SDK1: variants seen among roughly 807,000 people sequenced by gnomAD.
SDK1 encodes the protein protein sidekick-1.
In SDK1, 157 loss-of-function variants were observed where a neutral mutation model predicts 245.5. The ratio of observed to expected loss-of-function variants is 0.64; its 90% CI spans 0.56 to 0.73. The LOEUF (loss-of-function observed/expected upper bound fraction) is 0.73. Among genes scored for constraint, SDK1 ranks in the 30% least tolerant of loss-of-function variants. SDK1 has a pLI of 0.00. For missense variants in SDK1, 3,583 were observed against 3,002.3 expected (o/e 1.19, Z -4.52); for synonymous variants, 1,647 against 1,278.5 (o/e 1.29, Z -6.15).
chr7:3,444,138 G>T (rs555696449), intron 1 of SDK1, among the ~76,000 whole-genome samples: 2 of 152,148 alleles, frequency 1.3e-5, no homozygotes, highest in Non-Finnish European at 2.9e-5. Flanking sequence ...TGGAAAGGGC[G>T]GGTTTAATTC....
chr7:3,992,619 A>G (rs1031038126), intron 14 of SDK1, among the ~76,000 whole-genome samples: 1 of 152,216 alleles, frequency 6.6e-6, no homozygotes, highest in African/African-American at 2.4e-5. Context: ...TAAAATGCTT[A>G]TCGATTATGA....
intron 43 of SDK1, among the ~76,000 whole-genome samples, chr7:4,244,040 G>C (rs925773545): frequency 2.0e-5 from 3 of 152,174 alleles, no homozygotes; most frequent in African/African-American, 4.8e-5. Flanking sequence ...TTGAGATAGA[G>C]AAAGAAAGGC....
intron 4 of SDK1, among the ~76,000 whole-genome samples, chr7:3,760,131 T>C (rs950586591): frequency 2.0e-5 from 3 of 152,178 alleles, no homozygotes; most frequent in African/African-American, 7.2e-5. Context: ...CCTCCATAAA[T>C]AAAGAGATGT....
chr7:3,305,958 C>G (rs1779408221), intron 1 of SDK1, among the ~76,000 whole-genome samples: 1 of 152,152 alleles, frequency 6.6e-6, no homozygotes, highest in Non-Finnish European at 1.5e-5. Context: ...ACTAACTTTC[C>G]TGAGGTCCCA....
At chr7:3,581,597 A>G (rs1780498595) in intron 1 of SDK1, among the ~76,000 whole-genome samples, 1 of 152,140 alleles carries the variant, frequency 6.6e-6, no homozygotes, top group South Asian at 2.1e-4. Context: ...GTGATTCCTC[A>G]AAGAGCTAAA....
At chr7:4,178,254 C>T (rs1359825109) in intron 34 of SDK1, among the ~76,000 whole-genome samples, 1 of 152,182 alleles carries the variant, frequency 6.6e-6, no homozygotes, top group Admixed American at 6.5e-5. Context: ...CTTACCTGAA[C>T]ACAGGATAGG....
At chr7:3,846,134 A>G (rs932693737) in intron 5 of SDK1, among the ~76,000 whole-genome samples, 1 of 152,228 alleles carries the variant, frequency 6.6e-6, no homozygotes, top group African/African-American at 2.4e-5. Flanking sequence ...GAGAAATGAC[A>G]TTCTCTCTTA....
intron 5 of SDK1, among the ~76,000 whole-genome samples, chr7:3,870,704 T>C (rs1780934688): frequency 6.6e-6 from 1 of 152,218 alleles, no homozygotes; most frequent in Non-Finnish European, 1.5e-5. Flanking sequence ...ATAATAAATT[T>C]ATCAAAATGA....
intron 4 of SDK1, among the ~76,000 whole-genome samples, chr7:3,758,124 G>A (rs541298712): frequency 2.0e-5 from 3 of 152,254 alleles, no homozygotes; most frequent in South Asian, 2.1e-4. Flanking sequence ...GCAGGGAAGA[G>A]TATCAAAGAA....
intron 4 of SDK1, among the ~76,000 whole-genome samples, chr7:3,683,738 T>C (rs908624507): frequency 6.6e-6 from 1 of 152,224 alleles, no homozygotes; most frequent in South Asian, 2.1e-4. Flanking sequence ...TCTCTGAGTT[T>C]CCTTGTTGCC....
chr7:3,444,179 T>A lies in SDK1; in HGVS notation c.298+142295T>A, dbSNP rs895695849. Among the ~76,000 whole-genome samples, 4 of 152,216 alleles carry A rather than the reference T, an allele frequency of 2.6e-5. 1 individual carries two copies. In the South Asian group the frequency reaches 8.3e-4, roughly 32 times the overall value. ...TTATTTATAAGACAGAGATGTTTGC[T>A]ACCTCCTGAGCCCAAGTCTGCCAGC... On this transcript the variant is annotated intron_variant, in intron 1 of 44. Transcript: ENST00000404826.
At chr7:3,343,882 G>GAT (rs1335284382) in intron 1 of SDK1, among the ~76,000 whole-genome samples, 1 of 152,074 alleles carries the variant, frequency 6.6e-6, no homozygotes, top group Non-Finnish European at 1.5e-5. Context: ...TGGCAGTGTT[G>GAT]ATATCAGATC....
chr7:3,775,401 A>G (rs1780522727), intron 4 of SDK1, among the ~76,000 whole-genome samples: 1 of 151,666 alleles, frequency 6.6e-6, no homozygotes, highest in Admixed American at 6.6e-5. Flanking sequence ...TGCCTTCTCA[A>G]CTTTCAAAGA....
chr7:3,460,469 T>C (rs896215393), intron 1 of SDK1, among the ~76,000 whole-genome samples: 7 of 152,194 alleles, frequency 4.6e-5, no homozygotes, highest in African/African-American at 1.7e-4. Context: ...TTTATAACTT[T>C]TTGTGCAGCT....
intron 1 of SDK1, among the ~76,000 whole-genome samples, chr7:3,455,647 T>A (rs1780643862): frequency 6.6e-6 from 1 of 152,080 alleles, no homozygotes; most frequent in Non-Finnish European, 1.5e-5. Flanking sequence ...GTGTGACTCT[T>A]CCTCCACCGA....
chr7:3,551,653 G>C (rs539750472), intron 1 of SDK1, among the ~76,000 whole-genome samples: 2 of 151,564 alleles, frequency 1.3e-5, no homozygotes, highest in African/African-American at 4.9e-5. Context: ...CCTAAATTTA[G>C]TAGTTTTATA....
At chr7:3,782,694 C>T (rs987189430) in intron 4 of SDK1, among the ~76,000 whole-genome samples, 1 of 152,084 alleles carries the variant, frequency 6.6e-6, no homozygotes, top group Non-Finnish European at 1.5e-5. Flanking sequence ...TTATATTTTA[C>T]AATAAAGTGT....
At chr7:3,549,633 G>GT (rs897607446) in intron 1 of SDK1, among the ~76,000 whole-genome samples, 21 of 151,918 alleles carry the variant, frequency 1.4e-4, no homozygotes, top group Admixed American at 8.5e-4. Context: ...AGCATGTTTT[G>GT]TTTTTTTTCC....
chr7:3,952,269 G>A (rs566688588), intron 7 of SDK1, among the ~76,000 whole-genome samples: 11 of 152,166 alleles, frequency 7.2e-5, no homozygotes, highest in South Asian at 2.1e-4. Flanking sequence ...TATCGTGATC[G>A]GTGTTCAGAA....
Sources: gnomAD v4.1 joint callset for allele counts (sites outside exome capture counted in the v4.1 genomes callset) on GRCh38, gnomAD v4.1.1 for gene constraint, MANE v1.5 for transcripts, NCBI Gene and HGNC (gene_info 2026-07-23, HGNC 2026-07-21) for gene names.